Variants in SPOCK1 observed in about 807,000 individuals in gnomAD.
SPOCK1 encodes SPARC (osteonectin), cwcv and kazal like domains proteoglycan 1, also known as testican-1.
In SPOCK1, 23 loss-of-function variants were observed where a neutral mutation model predicts 55.3. The observed-to-expected ratio is 0.42, with a 90% CI of 0.30 to 0.59. The LOEUF is 0.59. Ranked by LOEUF, SPOCK1 falls within the 20% of genes least tolerant of loss-of-function variation. The pLI, the probability that SPOCK1 is intolerant of heterozygous loss-of-function variation, is 0.22. For synonymous variants in SPOCK1, 226 were observed against 221.0 expected (o/e 1.02, Z -0.20); for missense variants, 499 against 552.5 (o/e 0.90, Z 0.97).
chr5:137,023,554 G>C (rs1347474959), intron 6 of SPOCK1, among the ~76,000 whole-genome samples: 2 of 152,136 alleles, frequency 1.3e-5, no homozygotes, highest in African/African-American at 4.8e-5. Context: ...CGAGAAAAGT[G>C]ACATGAAAAG....
chr5:136,997,395 C>T (rs922043929), intron 6 of SPOCK1, among the ~76,000 whole-genome samples: 8 of 152,026 alleles, frequency 5.3e-5, no homozygotes, highest in Non-Finnish European at 1.2e-4. Context: ...CCATCTTGCC[C>T]CCTCCCTCCC....
chr5:137,122,946 T>C (rs1753714975), intron 4 of SPOCK1, among the ~76,000 whole-genome samples: 1 of 152,214 alleles, frequency 6.6e-6, no homozygotes, highest in South Asian at 2.1e-4. Context: ...GGGCTGGGTG[T>C]GATTGCCATT....
intron 3 of SPOCK1, among the ~76,000 whole-genome samples, chr5:137,150,043 T>C (rs569300007): frequency 6.6e-6 from 1 of 152,302 alleles, no homozygotes; most frequent in Admixed American, 6.5e-5. Flanking sequence ...CAGCTCTTTT[T>C]AGCTTGCTCC....
chr5:137,399,802 G>T (rs1751936498), intron 2 of SPOCK1, among the ~76,000 whole-genome samples: 1 of 152,140 alleles, frequency 6.6e-6, no homozygotes, highest in Non-Finnish European at 1.5e-5. Context: ...AACTTAGGAA[G>T]TCTCTCTTCA....
chr5:137,176,232 A>C (rs1754848992), intron 3 of SPOCK1, among the ~76,000 whole-genome samples: 1 of 152,190 alleles, frequency 6.6e-6, no homozygotes, highest in Non-Finnish European at 1.5e-5. Flanking sequence ...CGTGTTCCTT[A>C]ATCACACAAA....
intron 2 of SPOCK1, among the ~76,000 whole-genome samples, chr5:137,279,407 T>A (rs1004527705): frequency 6.6e-6 from 1 of 152,200 alleles, no homozygotes; most frequent in Middle Eastern, 3.2e-3. Flanking sequence ...CAGGGAAGAT[T>A]CTACTGAGGA....
At chr5:137,335,971 T>C (rs189191123) in intron 2 of SPOCK1, among the ~76,000 whole-genome samples, 89 of 152,304 alleles carry the variant, frequency 5.8e-4, no homozygotes, top group African/African-American at 2.1e-3. Context: ...GAATACACAG[T>C]CTTACCGTAA....
chr5:137,113,503 G>T (rs1250293778), intron 4 of SPOCK1, among the ~76,000 whole-genome samples: 4 of 152,216 alleles, frequency 2.6e-5, no homozygotes. Flanking sequence ...TCTGGAGTCA[G>T]AAAGTACAAG....
intron 4 of SPOCK1, among the ~76,000 whole-genome samples, chr5:137,119,203 G>C (rs557313710): frequency 5.9e-5 from 9 of 152,258 alleles, no homozygotes; most frequent in African/African-American, 2.2e-4. Flanking sequence ...GGCACAGAAG[G>C]ATTACATGCA....
chr5:137,100,538 G>A (rs972546284), intron 5 of SPOCK1, among the ~76,000 whole-genome samples: 1 of 152,204 alleles, frequency 6.6e-6, no homozygotes, highest in Non-Finnish European at 1.5e-5. Flanking sequence ...AGAAGAGAAA[G>A]CAAAGAAATA....
intron 2 of SPOCK1, among the ~76,000 whole-genome samples, chr5:137,419,561 C>T (rs1389460473): frequency 3.9e-5 from 6 of 152,270 alleles, no homozygotes; most frequent in Non-Finnish European, 8.8e-5. Flanking sequence ...CTCTTTGAAG[C>T]CATTGTGAAT....
chr5:137,209,138 T>C (rs1755566965), intron 3 of SPOCK1, among the ~76,000 whole-genome samples: 1 of 152,222 alleles, frequency 6.6e-6, no homozygotes, highest in Non-Finnish European at 1.5e-5. Flanking sequence ...TTCAACCTAA[T>C]GAGACATCTT....
At chr5:137,137,565 A>T (rs1016336354) in intron 4 of SPOCK1, among the ~76,000 whole-genome samples, 1 of 152,194 alleles carries the variant, frequency 6.6e-6, no homozygotes, top group African/African-American at 2.4e-5. Context: ...TTGATAAAGG[A>T]GTGGGCACAC....
chr5:137,464,274 C>T (rs1753552965), intron 2 of SPOCK1, among the ~76,000 whole-genome samples: 1 of 152,084 alleles, frequency 6.6e-6, no homozygotes, highest in Non-Finnish European at 1.5e-5. Context: ...TGTACTCCAG[C>T]CTTAGTGACA....
chr5:137,073,483 T>G (rs1752656243), intron 5 of SPOCK1, among the ~76,000 whole-genome samples: 1 of 152,138 alleles, frequency 6.6e-6, no homozygotes, highest in African/African-American at 2.4e-5. Context: ...TAGAGAGGGA[T>G]GAGGAGAGCG....
intron 2 of SPOCK1, among the ~76,000 whole-genome samples, chr5:137,333,513 T>C (rs985599574): frequency 6.6e-6 from 1 of 152,170 alleles, no homozygotes; most frequent in African/African-American, 2.4e-5. Context: ...CCTGGTCTCA[T>C]CCATGGACAT....
chr5:137,131,071 C>T (rs1580766881), intron 4 of SPOCK1, among the ~76,000 whole-genome samples: 1 of 152,162 alleles, frequency 6.6e-6, no homozygotes, highest in East Asian at 1.9e-4. Flanking sequence ...AAGGCCAGCG[C>T]CCCCGATGGG....
chr5:137,044,249 T>C (rs569950759), intron 6 of SPOCK1, among the ~76,000 whole-genome samples: 1 of 152,180 alleles, frequency 6.6e-6, no homozygotes, highest in Non-Finnish European at 1.5e-5. Context: ...AAGGATGGTG[T>C]GTGCAAAGGC....
chr5:137,372,927 G>A (rs1323145216), intron 2 of SPOCK1, among the ~76,000 whole-genome samples: 4 of 152,228 alleles, frequency 2.6e-5, no homozygotes, highest in Non-Finnish European at 1.5e-5. Context: ...ACAGTTTGTG[G>A]TATGATGACA....
Sources: gnomAD v4.1 joint callset for allele counts (sites outside exome capture counted in the v4.1 genomes callset) on GRCh38, gnomAD v4.1.1 for gene constraint, MANE v1.5 for transcripts, NCBI Gene and HGNC (gene_info 2026-07-23, HGNC 2026-07-21) for gene names.